The following MTUS2 variants were observed in gnomAD, a reference collection of about 807,000 sequenced individuals.
MTUS2 encodes microtubule-associated tumor suppressor candidate 2.
Under a neutral mutation model 114.1 loss-of-function variants are expected in MTUS2, and 40 were observed. That is an observed-to-expected ratio of 0.35 (90% confidence interval 0.27 to 0.46). The LOEUF is 0.46. MTUS2 is among the 20% of genes least tolerant of loss of function. The pLI is 1.00. For synonymous variants in MTUS2, 688 were observed against 672.0 expected, an observed-to-expected ratio of 1.02 and a Z score of -0.37; for missense variants, 1,679 against 1,705.4, an observed-to-expected ratio of 0.98 and a Z score of 0.27.
chr13:29,021,404 A>G (rs1216760153), intron 2 of MTUS2, among the ~76,000 whole-genome samples: 1 of 152,242 alleles, frequency 6.6e-6, no homozygotes, highest in Non-Finnish European at 1.5e-5. Flanking sequence ...GTAGTTCCTT[A>G]AAAATTAAAA....
intron 2 of MTUS2, among the ~76,000 whole-genome samples, chr13:28,886,048 AT>A (rs1878574027): frequency 6.6e-6 from 1 of 152,082 alleles, no homozygotes; most frequent in African/African-American, 2.4e-5. Flanking sequence ...CAAGCCCCAG[AT>A]TGGAATGTGC....
rs117972159 is a variant in MTUS2 at position 29,341,286 on chromosome 13, C to G, written c.2905+16575C>G. ...CCCACCAGCAGTATACAAGTGTTCCCTTTTCACAACATCCCCACCAACATC... is the reference window on the plus strand; with the variant it reads ...CCCACCAGCAGTATACAAGTGTTCCGTTTTCACAACATCCCCACCAACATC... On this transcript the variant is annotated intron_variant, in intron 7 of 15. Coordinates refer to ENST00000612955, the MANE Select transcript of MTUS2 (RefSeq NM_001033602.4). 2.1e-3 allele frequency among the ~76,000 whole-genome samples: 315 copies of G among 152,266 alleles called. 2 individuals are homozygous for G. Among genetic ancestry groups the G allele is most frequent in the South Asian group, 0.011 (54 of 4,818 alleles).
intron 5 of MTUS2, among the ~76,000 whole-genome samples, chr13:29,237,034 G>C (rs913508956): frequency 6.6e-6 from 1 of 152,194 alleles, no homozygotes; most frequent in African/African-American, 2.4e-5. Flanking sequence ...ATTTTCTGCA[G>C]TTGTGGTTTT....
intron 2 of MTUS2, among the ~76,000 whole-genome samples, chr13:28,873,129 C>G (rs1473384857): frequency 6.6e-6 from 1 of 152,134 alleles, no homozygotes; most frequent in African/African-American, 2.4e-5. Context: ...TATTTTTAGA[C>G]AAATGAAAAC....
At chr13:29,442,098 T>C (rs1431668052) in intron 9 of MTUS2, among the ~76,000 whole-genome samples, 1 of 152,104 alleles carries the variant, frequency 6.6e-6, no homozygotes, top group Non-Finnish European at 1.5e-5. Context: ...AGACCTTGCC[T>C]CATCCCCTTC....
At chr13:28,853,786 C>T (rs1029272418) in intron 2 of MTUS2, among the ~76,000 whole-genome samples, 4 of 152,204 alleles carry the variant, frequency 2.6e-5, no homozygotes, top group African/African-American at 9.6e-5. Context: ...TGAGAATTGC[C>T]TTAGCCAAAT....
chr13:28,924,083 G>A (rs1881196571), intron 2 of MTUS2, among the ~76,000 whole-genome samples: 1 of 152,078 alleles, frequency 6.6e-6, no homozygotes, highest in East Asian at 1.9e-4. Context: ...GTTTGATTCA[G>A]GGGAGGAATG....
chr13:29,378,001 G>C (rs1175977153), intron 8 of MTUS2, among the ~76,000 whole-genome samples: 2 of 152,220 alleles, frequency 1.3e-5, no homozygotes, highest in African/African-American at 4.8e-5. Flanking sequence ...CATGCTGAGT[G>C]AAAGAAGCTG....
intron 9 of MTUS2, among the ~76,000 whole-genome samples, chr13:29,465,877 C>T (rs1489830404): frequency 6.6e-6 from 1 of 152,252 alleles, no homozygotes; most frequent in Non-Finnish European, 1.5e-5. Context: ...TAAGTTAGAA[C>T]AGTCTGCCTG....
chr13:28,871,634 A>G (rs1171063248), intron 2 of MTUS2, among the ~76,000 whole-genome samples: 2 of 152,188 alleles, frequency 1.3e-5, no homozygotes, highest in Non-Finnish European at 2.9e-5. Flanking sequence ...GTCCTTGTGG[A>G]GCTTTTATTT....
At chr13:29,114,560 G>A (rs1374928274) in intron 5 of MTUS2, among the ~76,000 whole-genome samples, 1 of 152,144 alleles carries the variant, frequency 6.6e-6, no homozygotes, top group Non-Finnish European at 1.5e-5. Context: ...AAAGTAGGAG[G>A]GGGAGAGAAA....
intron 2 of MTUS2, among the ~76,000 whole-genome samples, chr13:29,005,101 G>C (rs1423820140): frequency 6.6e-6 from 1 of 152,182 alleles, no homozygotes; most frequent in Admixed American, 6.5e-5. Context: ...TAGGATTCTT[G>C]TCTTAGCATG....
chr13:29,336,761 A>T (rs983578167), intron 7 of MTUS2, among the ~76,000 whole-genome samples: 3 of 152,156 alleles, frequency 2.0e-5, no homozygotes, highest in African/African-American at 7.2e-5. Flanking sequence ...CTTTCCCCAG[A>T]TGCTCTGTTT....
chr13:29,009,740 AT>A (rs1885755500), intron 2 of MTUS2, among the ~76,000 whole-genome samples: 1 of 113,016 alleles, frequency 8.8e-6, no homozygotes, highest in Non-Finnish European at 1.9e-5. Flanking sequence ...AGGTTTTCTT[AT>A]GTTTTCTTTA....
At chr13:29,232,614 C>T (rs1252076257) in intron 5 of MTUS2, among the ~76,000 whole-genome samples, 3 of 152,136 alleles carry the variant, frequency 2.0e-5, no homozygotes, top group African/African-American at 7.2e-5. Context: ...AGTTAGTTTG[C>T]TTAAGTGGCT....
At chr13:28,952,239 A>G (rs771326703) in intron 2 of MTUS2, among the ~76,000 whole-genome samples, 24 of 152,234 alleles carry the variant, frequency 1.6e-4, no homozygotes, top group Non-Finnish European at 2.8e-4. Context: ...TTCCAATCCA[A>G]CACAACTCCC....
intron 4 of MTUS2, among the ~76,000 whole-genome samples, chr13:29,072,781 T>C (rs1238049076): frequency 6.6e-6 from 1 of 152,196 alleles, no homozygotes; most frequent in Non-Finnish European, 1.5e-5. Flanking sequence ...TGAGTAGCAT[T>C]AGTAGATTTA....
At chr13:29,497,647 C>G (rs1882639277) in intron 13 of MTUS2, 1 of 354,010 alleles carries the variant, frequency 2.8e-6, no homozygotes, top group African/African-American at 2.0e-5. Context: ...CTGACCACCC[C>G]TTCCAGCCCA....
intron 6 of MTUS2, among the ~76,000 whole-genome samples, chr13:29,317,784 A>G (rs1034923316): frequency 2.6e-5 from 4 of 152,134 alleles, no homozygotes; most frequent in African/African-American, 9.7e-5. Context: ...TTTATTTGAT[A>G]TATTCTGATC....
Sources: allele counts gnomAD v4.1 joint callset (sites outside exome capture counted in the v4.1 genomes callset), GRCh38; gene constraint gnomAD v4.1.1; transcripts MANE v1.5; gene names NCBI Gene and HGNC (gene_info 2026-07-23, HGNC 2026-07-21).